PVT1: variants seen among roughly 807,000 people sequenced by gnomAD.
The protein encoded by PVT1 is CXCR4/PVT1 fusion.
chr8:127,858,526 TAAC>T (rs559107676), intron 2 of PVT1, among the ~76,000 whole-genome samples: 261 of 152,152 alleles, frequency 1.7e-3, no homozygotes, highest in African/African-American at 6.1e-3. Context: ...AGACAAGTTT[TAAC>T]ATGGGCACTT....
At chr8:127,848,176 T>TAA (rs1263735402) in intron 2 of PVT1, among the ~76,000 whole-genome samples, 2 of 152,132 alleles carry the variant, frequency 1.3e-5, no homozygotes, top group African/African-American at 2.4e-5. Context: ...ACCCCAGAGG[T>TAA]AAAACGTCAG....
intron 2 of PVT1, among the ~76,000 whole-genome samples, chr8:127,829,272 C>T (rs1254602163): frequency 6.6e-6 from 1 of 152,028 alleles, no homozygotes; most frequent in Non-Finnish European, 1.5e-5. Flanking sequence ...AGTGAGACTC[C>T]ATCTCAGGGG....
chr8:127,818,689 G>T (rs1054304950), intron 2 of PVT1, among the ~76,000 whole-genome samples: 4 of 152,116 alleles, frequency 2.6e-5, no homozygotes, highest in East Asian at 3.8e-4. Context: ...CCCCTCTGCC[G>T]CTTCAAAACT....
chr8:128,029,888 T>TGCTTGAGCCCAGCA (rs1481717192), intron 4 of PVT1, among the ~76,000 whole-genome samples: 1 of 152,218 alleles, frequency 6.6e-6, no homozygotes, highest in Non-Finnish European at 1.5e-5. Flanking sequence ...ATGGGAGGAT[T>TGCTTGAGCCCAGCA]GCTTGAGCCC....
intron 4 of PVT1, among the ~76,000 whole-genome samples, chr8:128,032,583 G>A (rs1393708047): frequency 1.3e-5 from 2 of 152,188 alleles, no homozygotes; most frequent in Non-Finnish European, 2.9e-5. Flanking sequence ...CCACGGCAAT[G>A]CCAAGTAACA....
At chr8:127,937,548 G>GACACACACACACACACACACACACACAC (rs35147410) in intron 3 of PVT1, among the ~76,000 whole-genome samples, 1 of 122,632 alleles carries the variant, frequency 8.2e-6, no homozygotes, top group African/African-American at 3.4e-5. Context: ...TAGGGAAAAA[G>GACACACACACACACACACACACACACAC]ACACACACAC....
chr8:127,938,406 C>T (rs975136258), intron 3 of PVT1, among the ~76,000 whole-genome samples: 12 of 152,130 alleles, frequency 7.9e-5, no homozygotes, highest in African/African-American at 1.2e-4. Context: ...GCTGTGTCCA[C>T]GGCATGTTCC....
intron 4 of PVT1, among the ~76,000 whole-genome samples, chr8:128,056,902 T>C (rs1813769092): frequency 6.6e-6 from 1 of 152,176 alleles, no homozygotes; most frequent in African/African-American, 2.4e-5. Context: ...CATTTTCCTT[T>C]CCCTCCCCAG....
At chr8:127,817,348 C>G (rs1201113982) in intron 2 of PVT1, among the ~76,000 whole-genome samples, 1 of 137,332 alleles carries the variant, frequency 7.3e-6, no homozygotes, top group Non-Finnish European at 1.5e-5. Flanking sequence ...TGAATTGAGT[C>G]TGTTACATAT....
At chr8:128,064,445 C>T (rs1813876458) in intron 4 of PVT1, among the ~76,000 whole-genome samples, 1 of 152,210 alleles carries the variant, frequency 6.6e-6, no homozygotes, top group Non-Finnish European at 1.5e-5. Context: ...CCCTAATTGC[C>T]TCCCCCAGCC....
At chr8:127,890,929 A>T (rs1815592936) in exon 3 of PVT1, 1 of 152,320 alleles carries the variant, frequency 6.6e-6, no homozygotes, top group African/African-American at 2.4e-5. Flanking sequence ...TCCCTATGGA[A>T]TGTAAGACCC....
At chr8:127,956,748 G>T (rs528625722) in intron 3 of PVT1, among the ~76,000 whole-genome samples, 1 of 152,354 alleles carries the variant, frequency 6.6e-6, no homozygotes, top group Non-Finnish European at 1.5e-5. Flanking sequence ...CTCCCAAAGT[G>T]TTGGGATTAC....
At chr8:128,004,563 T>A (rs1207677780) in intron 4 of PVT1, among the ~76,000 whole-genome samples, 1 of 152,150 alleles carries the variant, frequency 6.6e-6, no homozygotes, top group Non-Finnish European at 1.5e-5. Flanking sequence ...GTAGTACCCA[T>A]CTCATCAGAT....
At chr8:127,855,534 G>A (rs935325450) in intron 2 of PVT1, among the ~76,000 whole-genome samples, 5 of 152,188 alleles carry the variant, frequency 3.3e-5, no homozygotes, top group African/African-American at 7.2e-5. Context: ...GACTAGAGCA[G>A]TGTTTCTAAA....
intron 3 of PVT1, among the ~76,000 whole-genome samples, chr8:127,950,941 A>T (rs528616532): frequency 8.5e-5 from 13 of 152,334 alleles, no homozygotes; most frequent in Admixed American, 8.5e-4. Context: ...TGTGTGGCCC[A>T]GGCTGGAGTG....
chr8:128,090,195 T>C (rs1267951293), intron 5 of PVT1, among the ~76,000 whole-genome samples: 1 of 152,208 alleles, frequency 6.6e-6, no homozygotes, highest in East Asian at 1.9e-4. Context: ...TCTATATTTA[T>C]GGAATTCGTT....
intron 5 of PVT1, among the ~76,000 whole-genome samples, chr8:128,074,295 A>G (rs183791379): frequency 3.7e-4 from 57 of 152,292 alleles, no homozygotes; most frequent in African/African-American, 1.2e-3. Context: ...TCACAAGGTC[A>G]GGAGTTCGAG....
Position 127,927,715 on chromosome 8 carries a change from G to A in PVT1, n.782+36717G>A, listed in dbSNP as rs80124809. Among the ~76,000 whole-genome samples the A allele has an allele frequency of 2.2e-3, 331 of 152,286 alleles. 3 individuals carry two copies. Among genetic ancestry groups the A allele is most frequent in the African/African-American group, 6.8e-3 (282 of 41,554 alleles). On this transcript the variant is annotated intron_variant and non_coding_transcript_variant, in intron 3 of 10. Coordinates refer to ENST00000651587, the Ensembl canonical transcript of PVT1. Reference sequence around the variant, plus strand: ...GCTGGGTGACTTTAGGCAACTGACTGTACCATCCTGAAAGTCATCTGTAAG... The same window carrying A: ...GCTGGGTGACTTTAGGCAACTGACTATACCATCCTGAAAGTCATCTGTAAG...
chr8:127,989,714 G>A lies in PVT1; in HGVS notation n.912+423G>A, dbSNP rs141580544. Among the ~76,000 whole-genome samples, 939 of 152,270 alleles carry A rather than the reference G, an allele frequency of 6.2e-3. 3 individuals carry two copies. Among genetic ancestry groups the A allele is most frequent in the Admixed American group, 0.018 (282 of 15,298 alleles). On this transcript the variant is annotated intron_variant and non_coding_transcript_variant, in intron 4 of 10. Coordinates refer to ENST00000651587, the Ensembl canonical transcript of PVT1. ...CTCTTCCTCCTTTCCCAGCCAATCC[G>A]TGCTTCCTCCTTTCACCTCCTTGAA...
Sources: gnomAD v4.1 joint callset for allele counts (sites outside exome capture counted in the v4.1 genomes callset) on GRCh38, gnomAD v4.1.1 for gene constraint, MANE v1.5 for transcripts, NCBI Gene and HGNC (gene_info 2026-07-23, HGNC 2026-07-21) for gene names.